Variants in KDM4C observed in about 807,000 individuals in gnomAD.
KDM4C encodes the protein lysine-specific demethylase 4C.
Under a neutral mutation model 129.3 loss-of-function variants are expected in KDM4C, and 81 were observed. The observed-to-expected ratio is 0.63, with a 90% confidence interval of 0.52 to 0.75. The LOEUF (loss-of-function observed/expected upper bound fraction) is 0.75. Ranked by LOEUF, KDM4C falls within the 30% of genes least tolerant of loss-of-function variation. The pLI, the probability that KDM4C is intolerant of heterozygous loss-of-function variation, is 0.00. For missense variants in KDM4C, 1,457 were observed against 1,304.0 expected, an observed-to-expected ratio of 1.12 and a Z score of -1.81; for synonymous variants, 573 against 456.1, an observed-to-expected ratio of 1.26 and a Z score of -3.26.
intron 15 of KDM4C, among the ~76,000 whole-genome samples, chr9:7,042,819 T>C (rs1171942620): frequency 6.6e-6 from 1 of 152,062 alleles, no homozygotes; most frequent in African/African-American, 2.4e-5. Context: ...AGTTTGAATC[T>C]CAATTGTTCT....
chr9:7,048,398 C>G (rs532432842), intron 16 of KDM4C, among the ~76,000 whole-genome samples: 76 of 152,126 alleles, frequency 5.0e-4, no homozygotes, highest in African/African-American at 1.5e-3. Flanking sequence ...ACAATTCTTT[C>G]AAGATCTCTT....
intron 20 of KDM4C, among the ~76,000 whole-genome samples, chr9:7,167,992 G>A (rs1426964464): frequency 6.6e-6 from 1 of 152,088 alleles, no homozygotes; most frequent in Non-Finnish European, 1.5e-5. Context: ...GACCAGCCTC[G>A]CCAACGTGGT....
rs568430388 is a variant in KDM4C at position 6,872,880 on chromosome 9, C to T, written c.630-7132C>T. Among the ~76,000 whole-genome samples, 3 of 152,254 alleles carry T rather than the reference C, an allele frequency of 2.0e-5. No homozygotes were observed. In the South Asian group the frequency reaches 6.2e-4, roughly 32 times the overall value. On this transcript the variant is annotated intron_variant, in intron 5 of 21. Transcript: ENST00000381309. ...GAACATTGGATGTAATTTAAAGTCA[C>T]CAGCCATATTCGCCTTTAACAATAG... is the stretch of plus-strand genomic sequence containing the variant.
At chr9:7,058,538 G>A (rs1225713523) in intron 17 of KDM4C, among the ~76,000 whole-genome samples, 1 of 152,126 alleles carries the variant, frequency 6.6e-6, no homozygotes, top group East Asian at 1.9e-4. Flanking sequence ...GCTTGCTGCA[G>A]CTCACTGTTG....
intron 15 of KDM4C, among the ~76,000 whole-genome samples, chr9:7,022,060 C>G (rs372395125): frequency 6.6e-6 from 1 of 152,132 alleles, no homozygotes; most frequent in South Asian, 2.1e-4. Context: ...TACTACAGCT[C>G]TGTATTATAA....
rs565386157 is a variant in KDM4C, at chr9:6,964,418, C to T, written c.922-16507C>T. ...TCCGTGTCGCTACAAAGGACATGAA[C>T]TCATCCTTTTTTTATGGCTGCATAG... On this transcript the variant is annotated intron_variant, in intron 8 of 21. Transcript: ENST00000381309. Among the ~76,000 whole-genome samples, 4 of 151,334 alleles carry T rather than the reference C, an allele frequency of 2.6e-5. No homozygotes were observed. In the South Asian group the frequency reaches 6.3e-4, roughly 24 times the overall value.
At chr9:6,916,306 T>C (rs1820303308) in intron 8 of KDM4C, among the ~76,000 whole-genome samples, 1 of 152,152 alleles carries the variant, frequency 6.6e-6, no homozygotes, top group African/African-American at 2.4e-5. Context: ...AATATAAACT[T>C]CTGAAGGACA....
In KDM4C at chr9:6,804,732, C is replaced by T. The variant is rs185938892; in HGVS notation, c.145-867C>T. Among the ~76,000 whole-genome samples the T allele has an allele frequency of 4.4e-3, 641 of 145,838 alleles. 5 individuals carry two copies. Among genetic ancestry groups the T allele is most frequent in the Non-Finnish European group, 7.4e-3 (495 of 66,906 alleles). On this transcript the variant is annotated intron_variant, in intron 2 of 21. Coordinates refer to ENST00000381309, the MANE Select transcript of KDM4C (RefSeq NM_015061.6). Reference sequence around the variant, plus strand: ...TGAGATCGTGCCACTGCTCCCCAGCCGAGTAACAGAGTGAGACTCCGTCTC... The same window carrying T: ...TGAGATCGTGCCACTGCTCCCCAGCTGAGTAACAGAGTGAGACTCCGTCTC...
At chr9:6,977,885 C>T (rs1833198743) in intron 8 of KDM4C, among the ~76,000 whole-genome samples, 1 of 152,044 alleles carries the variant, frequency 6.6e-6, no homozygotes, top group South Asian at 2.1e-4. Flanking sequence ...TCCCCTTGAC[C>T]CTTAAGACCA....
intron 15 of KDM4C, among the ~76,000 whole-genome samples, chr9:7,043,385 TA>T (rs1465194216): frequency 5.3e-5 from 8 of 152,056 alleles, no homozygotes; most frequent in Non-Finnish European, 8.8e-5. Flanking sequence ...TCAGACATTG[TA>T]GATTCTTAAG....
chr9:6,869,655 CCAAGCCTTTATACT>C (rs1842564271), intron 5 of KDM4C, among the ~76,000 whole-genome samples: 1 of 152,196 alleles, frequency 6.6e-6, no homozygotes, highest in Non-Finnish European at 1.5e-5. Context: ...GGCAAGATGG[CCAAGCCTTTATACT>C]CAAGCCTGGA....
At chr9:6,846,383 TG>T (rs1165960357) in intron 4 of KDM4C, among the ~76,000 whole-genome samples, 1 of 152,226 alleles carries the variant, frequency 6.6e-6, no homozygotes, top group African/African-American at 2.4e-5. Context: ...GGTAGTATAT[TG>T]TATAACACTT....
intron 1 of KDM4C, among the ~76,000 whole-genome samples, chr9:6,777,430 AG>A (rs1408289508): frequency 3.3e-5 from 5 of 152,200 alleles, no homozygotes; most frequent in African/African-American, 1.2e-4. Context: ...GTCTTCCTTC[AG>A]CTTCAGCTGG....
Position 7,049,192 on chromosome 9 carries a change from T to C in KDM4C, c.2416T>C (p.Leu806=). The change falls in exon 17 of 22, where the codon TTA becomes CTA. Residue 806 remains leucine (L), a synonymous_variant. Coordinates refer to ENST00000381309, the MANE Select transcript of KDM4C (RefSeq NM_015061.6). ...TGTAGGCAGAATACCTTTACAGAGGTTAAAATTGGTGAGTGGCAAAGCTTC... is the reference window on the plus strand; with the variant it reads ...TGTAGGCAGAATACCTTTACAGAGGCTAAAATTGGTGAGTGGCAAAGCTTC... ...IDVGRIPLQR[L]KLKCIFCRHR... 1.3e-6 allele frequency: 2 copies of C among 1,572,470 alleles called. No homozygotes were observed. The highest frequency in any genetic ancestry group is 1.7e-6 in the Non-Finnish European group (2 of 1,145,916).
At chr9:6,858,540 T>C (rs1323350957) in intron 5 of KDM4C, among the ~76,000 whole-genome samples, 3 of 152,168 alleles carry the variant, frequency 2.0e-5, no homozygotes, top group Non-Finnish European at 1.5e-5. Context: ...TTGGGAGGCC[T>C]AGGTGGGCGG....
intron 20 of KDM4C, among the ~76,000 whole-genome samples, chr9:7,168,780 A>G (rs1844657627): frequency 6.6e-6 from 1 of 152,140 alleles, no homozygotes; most frequent in South Asian, 2.1e-4. Flanking sequence ...ATAAGAGTAA[A>G]CAGGCCGGGC....
At chr9:6,748,654 A>C (rs568988192) in intron 1 of KDM4C, 5 of 1,032,610 alleles carry the variant, frequency 4.8e-6, no homozygotes, top group Non-Finnish European at 7.5e-6. Context: ...AAGGACGTCT[A>C]AAAACAAACT....
intron 15 of KDM4C, among the ~76,000 whole-genome samples, chr9:7,044,586 C>T (rs115674195): frequency 3.0e-4 from 46 of 151,940 alleles, no homozygotes; most frequent in African/African-American, 9.2e-4. Context: ...AATGTGTCCT[C>T]CAATATGAGC....
intron 1 of KDM4C, among the ~76,000 whole-genome samples, chr9:6,723,273 G>C (rs770913443): frequency 6.6e-6 from 1 of 152,108 alleles, no homozygotes; most frequent in African/African-American, 2.4e-5. Flanking sequence ...TACTCGGGAG[G>C]CTGAGGTATG....
Sources: allele counts gnomAD v4.1 joint callset (sites outside exome capture counted in the v4.1 genomes callset), GRCh38; gene constraint gnomAD v4.1.1; transcripts MANE v1.5; gene names NCBI Gene and HGNC (gene_info 2026-07-23, HGNC 2026-07-21).